The following ITGA8 variants were observed in gnomAD, a reference collection of about 807,000 sequenced individuals.
ITGA8 encodes the protein integrin alpha-8.
Under a neutral mutation model 142.3 loss-of-function variants are expected in ITGA8, and 91 were observed. The ratio of observed to expected loss-of-function variants is 0.64; its 90% confidence interval spans 0.54 to 0.76. The LOEUF is 0.76. Among genes scored for constraint, ITGA8 ranks in the 30% least tolerant of loss-of-function variants. ITGA8 has a pLI of 0.00. For synonymous variants in ITGA8, 505 were observed against 485.2 expected (o/e 1.04, Z -0.54); for missense variants, 1,406 against 1,327.7 (o/e 1.06, Z -0.92).
chr10:15,543,890 A>G lies in ITGA8; in HGVS notation c.2880+4565T>C, dbSNP rs150054588. On this transcript the variant is annotated intron_variant, in intron 27 of 29. Transcript: ENST00000378076. ...AATCCAGTGAGCGTCCTTATAAGAA[A>G]CAGAAGACACAGGGACACAGAGACA... 4.2e-3 allele frequency among the ~76,000 whole-genome samples: 641 copies of G among 152,250 alleles called. 2 individuals are homozygous for G. Among genetic ancestry groups the G allele is most frequent in the African/African-American group, 0.015 (606 of 41,538 alleles).
intron 26 of ITGA8, among the ~76,000 whole-genome samples, chr10:15,556,884 G>T (rs1462888430): frequency 6.6e-6 from 1 of 152,178 alleles, no homozygotes; most frequent in East Asian, 1.9e-4. Context: ...TAGCTTCTGA[G>T]GTGATCTCTG....
intron 26 of ITGA8, among the ~76,000 whole-genome samples, chr10:15,551,748 G>A (rs1833796254): frequency 6.6e-6 from 1 of 152,150 alleles, no homozygotes; most frequent in Non-Finnish European, 1.5e-5. Flanking sequence ...AAAAAACGTA[G>A]GAGGTCTTAT....
At chr10:15,664,286 C>T (rs1364516425) in intron 8 of ITGA8, among the ~76,000 whole-genome samples, 4 of 152,174 alleles carry the variant, frequency 2.6e-5, no homozygotes, top group Non-Finnish European at 5.9e-5. Context: ...TTACAATATA[C>T]TGCCTTTTAA....
In ITGA8 at chr10:15,613,586, A is replaced by C. The variant is rs540403601; in HGVS notation, c.1553+74T>G. 7.0e-5 allele frequency: 76 copies of C among 1,086,180 alleles called. No individual in the cohort carries two copies. In the African/African-American group the frequency reaches 1.1e-3, roughly 15 times the overall value. The allele number at this position is 1,086,180 out of a possible 1,614,324, so 67.3% of individuals were successfully genotyped here. On this transcript the variant is annotated intron_variant, in intron 15 of 29. Transcript: ENST00000378076. Reference sequence around the variant, plus strand: ...CCCTACCCCAGACTTACTGAATCCAAATCTGTATTTTTCACAAGATACCCA... The same window carrying C: ...CCCTACCCCAGACTTACTGAATCCACATCTGTATTTTTCACAAGATACCCA...
intron 8 of ITGA8, among the ~76,000 whole-genome samples, chr10:15,667,038 G>A (rs1834408192): frequency 6.6e-6 from 1 of 152,198 alleles, no homozygotes; most frequent in Non-Finnish European, 1.5e-5. Context: ...CTCATAAAAT[G>A]AGTTAGGGAG....
intron 23 of ITGA8, among the ~76,000 whole-genome samples, chr10:15,582,397 A>C (rs1403678570): frequency 6.6e-6 from 1 of 152,264 alleles, no homozygotes; most frequent in African/African-American, 2.4e-5. Context: ...GTATTATTTC[A>C]AATTAGGACA....
chr10:15,521,829 C>T (rs1372463042), intron 28 of ITGA8, among the ~76,000 whole-genome samples: 1 of 152,166 alleles, frequency 6.6e-6, no homozygotes, highest in Non-Finnish European at 1.5e-5. Flanking sequence ...ATGCTGCAGC[C>T]TAAGTAATTT....
chr10:15,661,847 C>G (rs931141566), intron 8 of ITGA8, among the ~76,000 whole-genome samples: 32 of 152,170 alleles, frequency 2.1e-4, no homozygotes, highest in African/African-American at 7.7e-4. Flanking sequence ...TCTGGAGAGA[C>G]TGCCAGGAAA....
intron 23 of ITGA8, among the ~76,000 whole-genome samples, chr10:15,580,812 C>G (rs376602552): frequency 6.6e-6 from 1 of 152,160 alleles, no homozygotes; most frequent in East Asian, 1.9e-4. Context: ...ATCCCTGCAG[C>G]TGGCATCAAA....
chr10:15,591,491 C>A (rs1397817529), intron 22 of ITGA8, among the ~76,000 whole-genome samples: 1 of 151,044 alleles, frequency 6.6e-6, no homozygotes, highest in Non-Finnish European at 1.5e-5. Flanking sequence ...GGATCTAGAG[C>A]CATTAAACTG....
At chr10:15,560,878 T>C (rs1361756990) in intron 25 of ITGA8, among the ~76,000 whole-genome samples, 2 of 152,106 alleles carry the variant, frequency 1.3e-5, no homozygotes, top group African/African-American at 2.4e-5. Context: ...ATGATAATAA[T>C]GTTGTAGATT....
In ITGA8 at chr10:15,539,989, C is replaced by T. The variant is rs765050632; in HGVS notation, c.2880+8466G>A. On this transcript the variant is annotated intron_variant, in intron 27 of 29. Transcript: ENST00000378076. ...AGTTCCCCTGCACATGCTCTCTTGC[C>T]GCCATGTAAGACATGCTTTTGCTTC... Among the ~76,000 whole-genome samples, 8 of 152,078 alleles carry T rather than the reference C, an allele frequency of 5.3e-5. No homozygotes were observed. The East Asian group carries it at 7.7e-4, about 15-fold the overall frequency.
chr10:15,670,853 A>C (rs1027291217), intron 8 of ITGA8, among the ~76,000 whole-genome samples: 1 of 152,146 alleles, frequency 6.6e-6, no homozygotes, highest in African/African-American at 2.4e-5. Flanking sequence ...TCGTTTCACT[A>C]TCAAAGTCTG....
At chr10:15,643,486 GCCAGGCTGGTCTCGAACTCCTGA>G (rs1382101386) in intron 13 of ITGA8, among the ~76,000 whole-genome samples, 1 of 152,094 alleles carries the variant, frequency 6.6e-6, no homozygotes, top group Non-Finnish European at 1.5e-5. Flanking sequence ...TACCATGTTG[GCCAGGCTGGTCTCGAACTCCTGA>G]CCTCAACTGA....
intron 8 of ITGA8, among the ~76,000 whole-genome samples, chr10:15,661,565 G>C (rs1214127802): frequency 1.3e-5 from 2 of 152,138 alleles, no homozygotes; most frequent in South Asian, 2.1e-4. Flanking sequence ...TCTGTACTTC[G>C]GTCTCTAATT....
intron 15 of ITGA8, among the ~76,000 whole-genome samples, chr10:15,612,145 C>A (rs1162791895): frequency 6.6e-6 from 1 of 152,106 alleles, no homozygotes; most frequent in East Asian, 1.9e-4. Flanking sequence ...CAAATGTGCC[C>A]AGGGCATTTT....
At chr10:15,698,206 A>G (rs1835093381) in intron 2 of ITGA8, among the ~76,000 whole-genome samples, 1 of 152,184 alleles carries the variant, frequency 6.6e-6, no homozygotes, top group Admixed American at 6.5e-5. Context: ...AATGGTCTCC[A>G]ATTCCATCCA....
At chr10:15,650,680 G>T (rs1170019796) in intron 11 of ITGA8, among the ~76,000 whole-genome samples, 1 of 152,066 alleles carries the variant, frequency 6.6e-6, no homozygotes, top group Non-Finnish European at 1.5e-5. Flanking sequence ...CAAAAAACAG[G>T]CTAAGCCATG....
At chr10:15,656,322 G>GAGTGTACACAGTGTACCATAGTCTCCCC (rs1834183722) in intron 10 of ITGA8, among the ~76,000 whole-genome samples, 2 of 151,956 alleles carry the variant, frequency 1.3e-5, no homozygotes, top group Admixed American at 1.3e-4. Flanking sequence ...TCTTTTCCAT[G>GAGTGTACACAGTGTACCATAGTCTCCCC]AGTGTACACA....
Sources: allele counts gnomAD v4.1 joint callset (sites outside exome capture counted in the v4.1 genomes callset), GRCh38; gene constraint gnomAD v4.1.1; transcripts MANE v1.5; gene names NCBI Gene and HGNC (gene_info 2026-07-23, HGNC 2026-07-21).